SGCZ: variants seen among roughly 807,000 people sequenced by gnomAD.
SGCZ encodes the protein zeta-sarcoglycan.
A neutral mutation model predicts 41.3 loss-of-function variants in SGCZ; 40 were observed. The observed-to-expected ratio is 0.97, with a 90% confidence interval of 0.75 to 1.26. SGCZ has a LOEUF of 1.26. SGCZ is among the 50% of genes most tolerant of loss of function. The pLI, the probability that SGCZ is intolerant of heterozygous loss-of-function variation, is 0.00. For missense variants in SGCZ, 552 were observed against 369.8 expected (o/e 1.49, Z -4.04); for synonymous variants, 206 against 137.5 (o/e 1.50, Z -3.49).
chr8:14,865,176 C>T (rs547747331), intron 1 of SGCZ, among the ~76,000 whole-genome samples: 68 of 152,148 alleles, frequency 4.5e-4, no homozygotes, highest in African/African-American at 1.5e-3. Context: ...TCCACCGTCA[C>T]GTGACTCCCA....
At chr8:14,342,027 G>C (rs926826726) in intron 2 of SGCZ, among the ~76,000 whole-genome samples, 2 of 152,216 alleles carry the variant, frequency 1.3e-5, no homozygotes, top group South Asian at 2.1e-4. Flanking sequence ...GTAACAGGCA[G>C]AGGTTGGAAC....
chr8:14,605,857 A>T (rs1805732175), intron 1 of SGCZ, among the ~76,000 whole-genome samples: 1 of 152,188 alleles, frequency 6.6e-6, no homozygotes, highest in Non-Finnish European at 1.5e-5. Flanking sequence ...CAGATGAGGG[A>T]ATGAGATGGC....
chr8:14,806,190 C>T (rs2130520066), intron 1 of SGCZ, among the ~76,000 whole-genome samples: 1 of 152,056 alleles, frequency 6.6e-6, no homozygotes, highest in East Asian at 1.9e-4. Flanking sequence ...CAAGAGCAAA[C>T]ACATTCAAAA....
At chr8:14,780,326 G>C (rs1271565985) in intron 1 of SGCZ, among the ~76,000 whole-genome samples, 1 of 146,822 alleles carries the variant, frequency 6.8e-6, no homozygotes, top group African/African-American at 2.6e-5. Flanking sequence ...AGTGAGCTGA[G>C]ATTGCGCCAT....
intron 1 of SGCZ, among the ~76,000 whole-genome samples, chr8:14,964,194 A>T (rs976333965): frequency 2.0e-5 from 3 of 152,124 alleles, no homozygotes; most frequent in Non-Finnish European, 4.4e-5. Context: ...ACTTCTTCAA[A>T]CCTTTTTTTC....
At chr8:14,357,057 T>C (rs1002609344) in intron 2 of SGCZ, among the ~76,000 whole-genome samples, 21 of 152,074 alleles carry the variant, frequency 1.4e-4, no homozygotes, top group African/African-American at 4.8e-4. Flanking sequence ...AAATATTTTA[T>C]GCAAAAGTAA....
chr8:15,151,031 C>T (rs562455413), intron 1 of SGCZ, among the ~76,000 whole-genome samples: 20 of 152,280 alleles, frequency 1.3e-4, no homozygotes, highest in African/African-American at 4.3e-4. Flanking sequence ...TTCTATCTTA[C>T]GTTCTATCTC....
rs539288148 is a variant in SGCZ at position 14,732,707 on chromosome 8, C to T, written c.40-177781G>A. On this transcript the variant is annotated intron_variant, in intron 1 of 7. Coordinates refer to ENST00000382080, the MANE Select transcript of SGCZ (RefSeq NM_139167.4). ...CGAATAGGTCTTTTCCTTCCTAAAA[C>T]GGGGGCAACCAATATGCACAAGACA... is the stretch of plus-strand genomic sequence containing the variant. Among the ~76,000 whole-genome samples the T allele has an allele frequency of 6.6e-5, 10 of 152,202 alleles. No individual in the cohort carries two copies. In the East Asian group the frequency reaches 9.7e-4, roughly 15 times the overall value.
Position 14,657,645 on chromosome 8 carries a change from A to T in SGCZ, c.40-102719T>A, listed in dbSNP as rs1051868533. 2.6e-5 allele frequency among the ~76,000 whole-genome samples: 4 copies of T among 151,572 alleles called. No individual in the cohort carries two copies. In the South Asian group the frequency reaches 8.3e-4, roughly 31 times the overall value. On this transcript the variant is annotated intron_variant, in intron 1 of 7. Transcript: ENST00000382080. ...GCATTACTTCTAACTCTTTAATCAG[A>T]TAGTGAAAACAAAACCAGAAAGAGA...
At position 14,282,823 on chromosome 8, in the gene SGCZ, A is replaced by G. The variant is rs1389284695; in HGVS notation, c.336+41280T>C. On this transcript the variant is annotated intron_variant, in intron 3 of 7. Transcript: ENST00000382080. ...TCAATATTTGTTTTTCTAGTTAATC[A>G]TTATAATCATTCTCTTTCAAATACT... is the stretch of plus-strand genomic sequence containing the variant. Among the ~76,000 whole-genome samples, 3 of 140,292 alleles carry G rather than the reference A, an allele frequency of 2.1e-5. No individual in the cohort carries two copies. In the East Asian group the frequency reaches 6.2e-4, roughly 29 times the overall value. The allele number at this position is 140,292 out of a possible 152,430, so 92.0% of individuals were successfully genotyped here.
chr8:14,672,306 A>G (rs763295198), intron 1 of SGCZ, among the ~76,000 whole-genome samples: 5 of 152,140 alleles, frequency 3.3e-5, no homozygotes, highest in Admixed American at 6.5e-5. Flanking sequence ...TTAATGCCCA[A>G]TGTCTCATAT....
chr8:14,331,255 C>T (rs1231004111), intron 2 of SGCZ, among the ~76,000 whole-genome samples: 1 of 151,786 alleles, frequency 6.6e-6, no homozygotes, highest in Non-Finnish European at 1.5e-5. Flanking sequence ...CATATTTAAA[C>T]TTCATTTTGC....
chr8:15,203,569 A>G (rs268374), intron 1 of SGCZ, among the ~76,000 whole-genome samples: 146,168 of 152,328 alleles, frequency 0.96, 70,168 homozygotes, highest in East Asian at 0.99. Flanking sequence ...AATCGGTTTG[A>G]TTTAGAAGAC....
intron 4 of SGCZ, among the ~76,000 whole-genome samples, chr8:14,232,827 AC>A (rs1806619423): frequency 6.6e-6 from 1 of 152,060 alleles, no homozygotes; most frequent in Admixed American, 6.6e-5. Flanking sequence ...AAACAAGGAT[AC>A]CTATGATGAA....
chr8:15,055,195 A>G (rs1158099872), intron 1 of SGCZ, among the ~76,000 whole-genome samples: 3 of 152,122 alleles, frequency 2.0e-5, no homozygotes. Context: ...AAACTTGAAT[A>G]CATTTCTGGC....
chr8:15,083,993 A>T (rs1382433762), intron 1 of SGCZ, among the ~76,000 whole-genome samples: 1 of 152,088 alleles, frequency 6.6e-6, no homozygotes, highest in African/African-American at 2.4e-5. Context: ...TTTGCAAAAA[A>T]TTAATGTACT....
intron 1 of SGCZ, among the ~76,000 whole-genome samples, chr8:14,678,706 A>C (rs1808349222): frequency 6.6e-6 from 1 of 152,216 alleles, no homozygotes; most frequent in Non-Finnish European, 1.5e-5. Context: ...AAGGAATTGA[A>C]AACCTATGTT....
At chr8:15,204,095 T>C (rs1331126001) in intron 1 of SGCZ, among the ~76,000 whole-genome samples, 3 of 152,204 alleles carry the variant, frequency 2.0e-5, no homozygotes, top group Admixed American at 1.3e-4. Flanking sequence ...AGCTATCTAC[T>C]CCTAGCATTA....
At chr8:14,296,589 T>C (rs555471123) in intron 3 of SGCZ, among the ~76,000 whole-genome samples, 1 of 152,112 alleles carries the variant, frequency 6.6e-6, no homozygotes, top group East Asian at 1.9e-4. Flanking sequence ...TAGAAAGGTG[T>C]AAAACTATAC....
Sources: gnomAD v4.1 joint callset for allele counts (sites outside exome capture counted in the v4.1 genomes callset) on GRCh38, gnomAD v4.1.1 for gene constraint, MANE v1.5 for transcripts, NCBI Gene and HGNC (gene_info 2026-07-23, HGNC 2026-07-21) for gene names.